The following DNAH5 variants were observed in gnomAD, a reference collection of about 807,000 sequenced individuals.
The protein encoded by DNAH5 is axonemal beta dynein heavy chain 5.
Under a neutral mutation model 518.2 loss-of-function variants are expected in DNAH5, and 372 were observed. That is an observed-to-expected ratio of 0.72 (90% CI 0.66 to 0.78). The LOEUF (loss-of-function observed/expected upper bound fraction) is 0.78. Among genes scored for constraint, DNAH5 ranks in the 30% least tolerant of loss-of-function variants. The pLI is 0.00. For synonymous variants in DNAH5, 2,039 were observed against 2,025.9 expected (o/e 1.01, Z -0.17); for missense variants, 5,523 against 5,687.0 (o/e 0.97, Z 0.93).
rs1474945018 is a variant in DNAH5, at chr5:13,829,610, AT to A, written c.6343del (p.Ile2115Ter). 2 of 1,614,228 alleles carry A rather than the reference AT, an allele frequency of 1.2e-6. No homozygotes were observed. The highest frequency in any genetic ancestry group is 1.7e-6 in the Non-Finnish European group (2 of 1,180,030). On this transcript the variant is annotated frameshift_variant, in exon 38 of 79. Coordinates refer to ENST00000265104, the MANE Select transcript of DNAH5 (RefSeq NM_001369.3). LOFTEE classifies it high-confidence loss of function. ...AMMVPDRQII[I>X]RVKLASCGFI... ...GCCACAACTAGCCAACTTCACCCTTATGATAATCTGACGGTCAGGCACCATC... is the reference window on the plus strand; with the variant it reads ...GCCACAACTAGCCAACTTCACCCTTAGATAATCTGACGGTCAGGCACCATC...
At position 13,847,200 on chromosome 5, in the gene DNAH5, GGAGGGTGTTGTT is replaced by G. The variant is rs573764499; in HGVS notation, c.5115-2219_5115-2208del. ...GTCCATGCTGATCCTCGACAGCTTGGGAGGGTGTTGTTTTTGTATAAATATGATTTCTCAAAT... is the reference window on the plus strand; with the variant it reads ...GTCCATGCTGATCCTCGACAGCTTGGTTTGTATAAATATGATTTCTCAAAT... On this transcript the variant is annotated intron_variant, in intron 31 of 78. Transcript: ENST00000265104. Among the ~76,000 whole-genome samples the G allele has an allele frequency of 2.2e-3, 331 of 152,220 alleles. 2 individuals carry two copies. The highest frequency in any genetic ancestry group is 7.8e-3 in the African/African-American group (322 of 41,528).
intron 40 of DNAH5, among the ~76,000 whole-genome samples, chr5:13,821,948 C>T (rs926053067): frequency 6.6e-6 from 1 of 152,066 alleles, no homozygotes; most frequent in East Asian, 1.9e-4. Flanking sequence ...ACATGCACCA[C>T]TGCACCAGGC....
At chr5:14,009,724 T>C (rs568030406) in intron 1 of DNAH5, among the ~76,000 whole-genome samples, 1 of 152,150 alleles carries the variant, frequency 6.6e-6, no homozygotes, top group Non-Finnish European at 1.5e-5. Flanking sequence ...TTTACCACCT[T>C]CCACCATACT....
intron 59 of DNAH5, among the ~76,000 whole-genome samples, chr5:13,764,947 C>G (rs1752314968): frequency 6.6e-6 from 1 of 152,166 alleles, no homozygotes. Context: ...AATATATAAG[C>G]TTACAATTAA....
chr5:13,834,983 T>C (rs980432913), intron 35 of DNAH5, among the ~76,000 whole-genome samples: 5 of 152,282 alleles, frequency 3.3e-5, no homozygotes, highest in African/African-American at 7.2e-5. Flanking sequence ...AGTTAAAACA[T>C]TGTCAGAAGG....
intron 1 of DNAH5, among the ~76,000 whole-genome samples, chr5:13,961,635 C>A (rs1402260721): frequency 7.1e-6 from 1 of 140,098 alleles, no homozygotes; most frequent in East Asian, 2.0e-4. Flanking sequence ...CAGAGCAAGA[C>A]TCCTTCTGAA....
chr5:13,958,906 G>GTGA (rs1780958294), intron 1 of DNAH5, among the ~76,000 whole-genome samples: 1 of 152,176 alleles, frequency 6.6e-6, no homozygotes, highest in Non-Finnish European at 1.5e-5. Flanking sequence ...CTCCTACAAT[G>GTGA]TTATGTCAGA....
chr5:13,946,380 C>T (rs555161022), upstream of DNAH5, among the ~76,000 whole-genome samples: 5 of 152,238 alleles, frequency 3.3e-5, no homozygotes, highest in African/African-American at 1.2e-4. Context: ...TTCAACCCCT[C>T]GGGCAAGGTA....
At chr5:13,769,354 T>A (rs1244575929) in intron 57 of DNAH5, 147 bp downstream of exon 57, 2 of 913,152 alleles carry the variant, frequency 2.2e-6, no homozygotes, top group Admixed American at 2.0e-5. Context: ...CTTACCCAGT[T>A]TTTTATACAT....
intron 1 of DNAH5, among the ~76,000 whole-genome samples, chr5:13,985,432 T>A (rs1364722652): frequency 3.6e-4 from 2 of 5,518 alleles, no homozygotes; most frequent in Admixed American, 1.5e-3. Flanking sequence ...TATAATAAAA[T>A]ATATATATAT....
At chr5:13,824,414 T>C (rs1762631812) in intron 38 of DNAH5, 81 bp from the exon 39 acceptor site, 1 of 1,346,490 alleles carries the variant, frequency 7.4e-7, no homozygotes, top group Non-Finnish European at 1.1e-6. Flanking sequence ...AGAAATTATA[T>C]TCACAATAAT....
chr5:13,982,948 T>C (rs1782791833), intron 1 of DNAH5, among the ~76,000 whole-genome samples: 1 of 152,216 alleles, frequency 6.6e-6, no homozygotes, highest in South Asian at 2.1e-4. Flanking sequence ...AACCTTGGTC[T>C]CCTGATTTCC....
Position 13,958,745 on chromosome 5 carries a change from T to C in DNAH5, c.13-27501A>G, listed in dbSNP as rs544694059. ...ATTAACAAAAACGATAGTTAAAGGA[T>C]GTTCTAATAGAATGTTTTAACAGGA... On this transcript the variant is annotated intron_variant, in intron 1 of 78. Coordinates refer to the DNAH5 transcript ENST00000681290. Among the ~76,000 whole-genome samples the C allele has an allele frequency of 2.6e-5, 4 of 152,344 alleles. No homozygotes were observed. In the East Asian group the frequency reaches 7.7e-4, roughly 29 times the overall value.
intron 72 of DNAH5, among the ~76,000 whole-genome samples, 190 bp downstream of exon 72, chr5:13,718,692 G>A (rs1387237274): frequency 6.6e-6 from 1 of 152,216 alleles, no homozygotes; most frequent in Admixed American, 6.5e-5. Context: ...ACTAGAAGGT[G>A]GGAATCATGA....
intron 1 of DNAH5, among the ~76,000 whole-genome samples, chr5:13,955,661 A>G (rs1780715383): frequency 1.3e-5 from 2 of 152,212 alleles, no homozygotes; most frequent in Non-Finnish European, 2.9e-5. Context: ...CTAAGGCTGA[A>G]GGCAATTTTT....
intron 58 of DNAH5, among the ~76,000 whole-genome samples, 162 bp from the exon 59 acceptor site, chr5:13,766,341 A>T (rs1438945230): frequency 1.3e-5 from 2 of 152,238 alleles, no homozygotes; most frequent in Non-Finnish European, 2.9e-5. Context: ...AAGAAACACC[A>T]TGTCCCAACA....
At chr5:13,720,957 TA>T (rs1253678244) in intron 71 of DNAH5, 42 bp downstream of exon 71, 1 of 1,613,416 alleles carries the variant, frequency 6.2e-7, no homozygotes, top group Non-Finnish European at 8.5e-7. Context: ...CTATAACCTG[TA>T]ATATGAACAG....
intron 57 of DNAH5, 116 bp from the exon 58 acceptor site, chr5:13,769,252 T>C: frequency 8.5e-7 from 1 of 1,174,042 alleles, no homozygotes; most frequent in Admixed American, 2.2e-5. Context: ...TTGTTGTTTT[T>C]TTTTTTTTTT....
intron 73 of DNAH5, among the ~76,000 whole-genome samples, chr5:13,717,075 C>T (rs1379756392): frequency 6.6e-6 from 1 of 152,144 alleles, no homozygotes; most frequent in African/African-American, 2.4e-5. Flanking sequence ...GAACAGGCCC[C>T]TTGAGGCTGT....
Sources: gnomAD v4.1 joint callset for allele counts (sites outside exome capture counted in the v4.1 genomes callset) on GRCh38, gnomAD v4.1.1 for gene constraint, MANE v1.5 for transcripts, NCBI Gene and HGNC (gene_info 2026-07-23, HGNC 2026-07-21) for gene names.